Variants in STPG2 observed in about 807,000 individuals in gnomAD.
STPG2 encodes sperm-tail PG-rich repeat-containing protein 2.
In STPG2, 56 loss-of-function variants were observed where a neutral mutation model predicts 54.2. That is an observed-to-expected ratio of 1.03 (90% CI 0.83 to 1.29). STPG2 has a LOEUF of 1.29. Among genes scored for constraint, STPG2 ranks in the 50% most tolerant of loss-of-function variants. The pLI, the probability that STPG2 is intolerant of heterozygous loss-of-function variation, is 0.00. For missense variants in STPG2, 596 were observed against 544.9 expected, an observed-to-expected ratio of 1.09 and a Z score of -0.93; for synonymous variants, 200 against 181.8, an observed-to-expected ratio of 1.10 and a Z score of -0.81.
intron 4 of STPG2, among the ~76,000 whole-genome samples, chr4:97,503,296 C>G (rs1056411071): frequency 6.6e-6 from 1 of 151,896 alleles, no homozygotes; most frequent in African/African-American, 2.4e-5. Context: ...ATGCTATGAA[C>G]AGAATTTATG....
intron 5 of STPG2, among the ~76,000 whole-genome samples, chr4:97,981,945 C>T (rs867896106): frequency 6.7e-6 from 1 of 149,342 alleles, no homozygotes; most frequent in African/African-American, 2.5e-5. Context: ...AGTGCAGTGG[C>T]GCGATCTCGG....
At chr4:97,685,024 A>G (rs1232289202) in intron 10 of STPG2, among the ~76,000 whole-genome samples, 1 of 152,062 alleles carries the variant, frequency 6.6e-6, no homozygotes, top group African/African-American at 2.4e-5. Flanking sequence ...ATAATAAAAT[A>G]CAACTACATA....
chr4:98,052,591 C>T (rs578159059), intron 5 of STPG2, among the ~76,000 whole-genome samples: 1 of 152,250 alleles, frequency 6.6e-6, no homozygotes, highest in Non-Finnish European at 1.5e-5. Flanking sequence ...ACATTCTTCA[C>T]ATTTAGCACT....
intron 10 of STPG2, among the ~76,000 whole-genome samples, chr4:97,591,076 C>A (rs1733133089): frequency 6.6e-6 from 1 of 152,050 alleles, no homozygotes; most frequent in Non-Finnish European, 1.5e-5. Context: ...AATAACCCTG[C>A]AAGTTCTTCA....
intron 8 of STPG2, among the ~76,000 whole-genome samples, chr4:97,881,928 TC>T (rs1158176904): frequency 6.6e-6 from 1 of 152,104 alleles, no homozygotes; most frequent in Non-Finnish European, 1.5e-5. Flanking sequence ...GTCACTACCA[TC>T]CTAACAACAA....
intron 5 of STPG2, among the ~76,000 whole-genome samples, chr4:98,083,815 G>A (rs903982506): frequency 1.3e-5 from 2 of 152,076 alleles, no homozygotes; most frequent in Admixed American, 1.3e-4. Flanking sequence ...AAAAGTTTCC[G>A]TGTGCCAATT....
chr4:98,128,762 C>T (rs1483629209), intron 2 of STPG2, among the ~76,000 whole-genome samples, 170 bp from the exon 3 acceptor site: 1 of 152,080 alleles, frequency 6.6e-6, no homozygotes, highest in Admixed American at 6.6e-5. Flanking sequence ...TAGGGTCTCA[C>T]TCTGTCACCC....
chr4:97,658,231 G>T (rs578250438), intron 10 of STPG2, among the ~76,000 whole-genome samples: 1 of 152,270 alleles, frequency 6.6e-6, no homozygotes, highest in African/African-American at 2.4e-5. Context: ...ACATATGCCT[G>T]CAATCTTTAA....
At chr4:97,614,890 G>C (rs1413817598) in intron 10 of STPG2, among the ~76,000 whole-genome samples, 1 of 152,152 alleles carries the variant, frequency 6.6e-6, no homozygotes, top group Non-Finnish European at 1.5e-5. Context: ...TGTCTATGGT[G>C]TTGGCTATTG....
chr4:98,017,012 C>T (rs1481701461), intron 5 of STPG2, among the ~76,000 whole-genome samples: 1 of 152,048 alleles, frequency 6.6e-6, no homozygotes, highest in Non-Finnish European at 1.5e-5. Flanking sequence ...GTCAGGTTGG[C>T]CAGGTTCCTG....
At chr4:97,816,645 CT>C (rs1481008367) in intron 9 of STPG2, among the ~76,000 whole-genome samples, 13 of 152,064 alleles carry the variant, frequency 8.5e-5, no homozygotes, top group Admixed American at 5.3e-4. Flanking sequence ...ATCATGCATC[CT>C]TTCAGGGCCT....
At chr4:97,498,431 T>C (rs978819890) in intron 4 of STPG2, among the ~76,000 whole-genome samples, 3 of 151,960 alleles carry the variant, frequency 2.0e-5, no homozygotes, top group East Asian at 1.9e-4. Flanking sequence ...GAAAACTTAC[T>C]TTTTTCTTGA....
chr4:97,977,284 G>T (rs1370449499), intron 6 of STPG2, among the ~76,000 whole-genome samples: 2 of 152,102 alleles, frequency 1.3e-5, no homozygotes, highest in Non-Finnish European at 2.9e-5. Context: ...TAGCTAAACT[G>T]CTATAACTAA....
At chr4:97,525,250 AT>A (rs1338788427) in intron 4 of STPG2, among the ~76,000 whole-genome samples, 3 of 151,926 alleles carry the variant, frequency 2.0e-5, no homozygotes, top group Admixed American at 1.3e-4. Flanking sequence ...TTTTACTGCT[AT>A]TTTAAAAATT....
At chr4:97,907,592 G>A (rs551935329) in intron 8 of STPG2, among the ~76,000 whole-genome samples, 6 of 152,170 alleles carry the variant, frequency 3.9e-5, no homozygotes, top group Admixed American at 2.0e-4. Context: ...AAAGCTGGAG[G>A]CATCATGCTA....
At chr4:98,085,555 T>C (rs1175142058) in intron 5 of STPG2, among the ~76,000 whole-genome samples, 2 of 152,102 alleles carry the variant, frequency 1.3e-5, no homozygotes, top group African/African-American at 4.8e-5. Flanking sequence ...TTAGATCTTT[T>C]CAGAATCCTC....
intron 5 of STPG2, among the ~76,000 whole-genome samples, chr4:98,040,770 G>T (rs768732512): frequency 6.6e-6 from 1 of 151,822 alleles, no homozygotes; most frequent in Non-Finnish European, 1.5e-5. Context: ...CTCCTGCTTT[G>T]TTCCTTTTGC....
At chr4:97,689,571 T>C (rs1319925213) in intron 10 of STPG2, among the ~76,000 whole-genome samples, 1 of 152,118 alleles carries the variant, frequency 6.6e-6, no homozygotes, top group East Asian at 1.9e-4. Flanking sequence ...GTGCATTTGC[T>C]AGAAAAGTTT....
At chr4:97,957,611 A>C (rs1733727968) in intron 7 of STPG2, among the ~76,000 whole-genome samples, 1 of 151,892 alleles carries the variant, frequency 6.6e-6, no homozygotes, top group African/African-American at 2.4e-5. Context: ...CCTAGGGAAA[A>C]TGTTATCAGG....
Sources: allele counts gnomAD v4.1 joint callset (sites outside exome capture counted in the v4.1 genomes callset), GRCh38; gene constraint gnomAD v4.1.1; transcripts MANE v1.5; gene names NCBI Gene and HGNC (gene_info 2026-07-23, HGNC 2026-07-21).